The following TRAF3 variants were observed in gnomAD, a reference collection of about 807,000 sequenced individuals.
The protein encoded by TRAF3 is TNF receptor-associated factor 3.
A neutral mutation model predicts 62.3 loss-of-function variants in TRAF3; 13 were observed. The observed-to-expected ratio is 0.21, with a 90% CI of 0.14 to 0.33. The LOEUF (loss-of-function observed/expected upper bound fraction) is 0.33. TRAF3 is among the 10% of genes least tolerant of loss of function. The pLI, the probability that TRAF3 is intolerant of heterozygous loss-of-function variation, is 1.00. For synonymous variants in TRAF3, 269 were observed against 283.4 expected, an observed-to-expected ratio of 0.95 and a Z score of 0.51; for missense variants, 440 against 741.8, an observed-to-expected ratio of 0.59 and a Z score of 4.73.
Position 102,903,546 on chromosome 14 carries a change from CT to C in TRAF3, c.1135+118del. 7.0e-7 allele frequency: 1 copy of C among 1,422,302 alleles called. No individual in the cohort carries two copies. The highest frequency in any genetic ancestry group is 2.4e-5 in the East Asian group (1 of 41,152). The allele number at this position is 1,422,302 out of a possible 1,614,324, so 88.1% of individuals were successfully genotyped here. On this transcript the variant is annotated intron_variant, in intron 11 of 11. Coordinates refer to ENST00000392745, the MANE Select transcript of TRAF3 (RefSeq NM_145725.3). The surrounding 1 kb of genome is among the most constrained non-coding windows in gnomAD (Gnocchi z 6.4). ...TACATGTGCCTTAGGACAGTTTTTTCTAATTATGGGTAACACGCAGAGGTGT... is the reference window on the plus strand; with the variant it reads ...TACATGTGCCTTAGGACAGTTTTTTCAATTATGGGTAACACGCAGAGGTGT...
chr14:102,841,315 G>A lies in TRAF3; in HGVS notation c.-18+10843G>A, dbSNP rs570712488. Among the ~76,000 whole-genome samples the A allele has an allele frequency of 2.6e-5, 4 of 152,324 alleles. No individual in the cohort carries two copies. In the South Asian group the frequency reaches 6.2e-4, roughly 24 times the overall value. Reference sequence around the variant, plus strand: ...GCGTTGGCTGCATCCTGGTCTGCACGTGGCCAAGAGGAAGCACCTCAAGGC... The same window carrying A: ...GCGTTGGCTGCATCCTGGTCTGCACATGGCCAAGAGGAAGCACCTCAAGGC... On this transcript the variant is annotated intron_variant, in intron 2 of 11. Transcript: ENST00000392745.
At chr14:102,872,115 A>G (rs559540949) in intron 4 of TRAF3, 147 bp downstream of exon 4, 2 of 822,954 alleles carry the variant, frequency 2.4e-6, no homozygotes, top group Non-Finnish European at 4.1e-6. Context: ...ACACTGTGCC[A>G]TGTGATCACC....
chr14:102,878,129 A>T (rs1380418433), intron 6 of TRAF3, among the ~76,000 whole-genome samples: 1 of 152,222 alleles, frequency 6.6e-6, no homozygotes, highest in Non-Finnish European at 1.5e-5. Context: ...CAAAAAAGGT[A>T]AAATTTTTAT....
chr14:102,821,272 T>C (rs997301374), intron 1 of TRAF3, among the ~76,000 whole-genome samples: 5 of 152,254 alleles, frequency 3.3e-5, no homozygotes, highest in African/African-American at 7.2e-5. Context: ...GTGACACTTT[T>C]AGTAACACCG....
Position 102,906,609 on chromosome 14 carries a change from C to T in TRAF3, c.*825C>T, listed in dbSNP as rs892933317. 2.6e-5 allele frequency: 4 copies of T among 152,272 alleles called. No homozygotes were observed. The highest frequency in any genetic ancestry group is 1.9e-4 in the East Asian group (1 of 5,204). The allele number at this position is 152,272 out of a possible 1,614,324, so 9.4% of individuals were successfully genotyped here. A position where few individuals can be genotyped will look rare whatever the true frequency, so the allele number is the denominator to read the frequency against. ...TCACAATTCTGAACGGAGCCTCGCT[C>T]ATGGATGCTGTGCATCATTTTCAGA... On this transcript the variant is annotated 3_prime_UTR_variant, in exon 12 of 12. Transcript: ENST00000392745.
At chr14:102,895,577 G>T (rs1470916640) in intron 9 of TRAF3, among the ~76,000 whole-genome samples, 1 of 152,190 alleles carries the variant, frequency 6.6e-6, no homozygotes, top group Non-Finnish European at 1.5e-5. Context: ...GCACACATCG[G>T]ATCTGGCACA....
At chr14:102,887,771 T>A (rs1338989811) in intron 7 of TRAF3, among the ~76,000 whole-genome samples, 1 of 151,920 alleles carries the variant, frequency 6.6e-6, no homozygotes. Context: ...ATTTCTTGTA[T>A]TTTTTAGTAG....
At chr14:102,862,708 TTC>T (rs546673041) in intron 2 of TRAF3, among the ~76,000 whole-genome samples, 153 of 152,278 alleles carry the variant, frequency 1.0e-3, no homozygotes, top group African/African-American at 3.5e-3. Context: ...TTGTCTTTTT[TTC>T]TCTCTGTCTT....
At chr14:102,791,231 G>A (rs2139412529) in intron 1 of TRAF3, among the ~76,000 whole-genome samples, 1 of 152,122 alleles carries the variant, frequency 6.6e-6, no homozygotes, top group South Asian at 2.1e-4. Flanking sequence ...GTGTTAGCCA[G>A]GATGGTTTCA....
In TRAF3 at chr14:102,864,872, G is replaced by A. The variant is rs569720911; in HGVS notation, c.-17-5313G>A. 4.6e-5 allele frequency among the ~76,000 whole-genome samples: 7 copies of A among 152,310 alleles called. No individual in the cohort carries two copies. The South Asian group carries it at 1.5e-3, about 32-fold the overall frequency. On this transcript the variant is annotated intron_variant, in intron 2 of 11. Coordinates refer to ENST00000392745, the MANE Select transcript of TRAF3 (RefSeq NM_145725.3). ...TCCTGCATGACTGCGTTGGGCTGAGGGAGATATGCCAGGTTAGTGCCCAGC... is the reference window on the plus strand; with the variant it reads ...TCCTGCATGACTGCGTTGGGCTGAGAGAGATATGCCAGGTTAGTGCCCAGC...
At chr14:102,812,589 G>A (rs978931424) in intron 1 of TRAF3, among the ~76,000 whole-genome samples, 1 of 152,150 alleles carries the variant, frequency 6.6e-6, no homozygotes, top group African/African-American at 2.4e-5. Context: ...CATAGTGGCT[G>A]TACTAGTTTA....
intron 2 of TRAF3, among the ~76,000 whole-genome samples, chr14:102,841,667 AC>A (rs1886381569): frequency 6.6e-6 from 1 of 152,220 alleles, no homozygotes; most frequent in South Asian, 2.1e-4. Flanking sequence ...ATGTAATAAA[AC>A]TAGCACCCAA....
chr14:102,867,110 A>T (rs1888044767), intron 2 of TRAF3, among the ~76,000 whole-genome samples: 1 of 152,110 alleles, frequency 6.6e-6, no homozygotes, highest in Non-Finnish European at 1.5e-5. Flanking sequence ...ATTTGTTGTT[A>T]CCTCTGCTTT....
At chr14:102,839,378 C>T (rs964425285) in intron 2 of TRAF3, among the ~76,000 whole-genome samples, 2 of 152,122 alleles carry the variant, frequency 1.3e-5, no homozygotes, top group Admixed American at 1.3e-4. Context: ...GCTACCACTT[C>T]TGGCTGATTT....
intron 1 of TRAF3, among the ~76,000 whole-genome samples, chr14:102,814,348 G>A (rs1899384530): frequency 6.6e-6 from 1 of 152,118 alleles, no homozygotes; most frequent in African/African-American, 2.4e-5. Flanking sequence ...CAGCTTTGTA[G>A]TATATTTTAA....
intron 2 of TRAF3, among the ~76,000 whole-genome samples, chr14:102,857,132 C>T (rs1222895414): frequency 6.6e-6 from 1 of 152,234 alleles, no homozygotes; most frequent in African/African-American, 2.4e-5. Context: ...TGCTAGCCGA[C>T]TCCAGTATGT....
chr14:102,870,228 T>C lies in TRAF3; in HGVS notation c.27T>C (p.Ser9=), dbSNP rs1011145131. MESSKKMD[S]PGALQTNPPL... is the part of the protein sequence containing the mutation. ...TGGAGTCGAGTAAAAAGATGGACTC[T>C]CCTGGCGCGCTGCAGACTAACCCGC... The change falls in exon 3 of 12, where the codon TCT becomes TCC. Residue 9 remains serine (S), a synonymous_variant. Transcript: ENST00000392745. The C allele has an allele frequency of 1.9e-6, 3 of 1,614,124 alleles. No individual in the cohort carries two copies. The highest frequency in any genetic ancestry group is 2.5e-6 in the Non-Finnish European group (3 of 1,180,012).
At chr14:102,904,415 C>T (rs750855721) in intron 11 of TRAF3, among the ~76,000 whole-genome samples, 110 of 152,146 alleles carry the variant, frequency 7.2e-4, no homozygotes, top group Non-Finnish European at 9.8e-4. Flanking sequence ...GGTGGTGTGG[C>T]CTATAGTCCC....
intron 2 of TRAF3, among the ~76,000 whole-genome samples, chr14:102,852,234 G>A (rs977749274): frequency 4.6e-5 from 7 of 151,760 alleles, no homozygotes; most frequent in South Asian, 2.1e-4. Flanking sequence ...TTCTGAGCAG[G>A]CACTACAGGC....
Sources: gnomAD v4.1 joint callset for allele counts (sites outside exome capture counted in the v4.1 genomes callset) on GRCh38, gnomAD v4.1.1 for gene constraint, Gnocchi (gnomAD v3.1) non-coding constraint, MANE v1.5 for transcripts, NCBI Gene and HGNC (gene_info 2026-07-23, HGNC 2026-07-21) for gene names.